The following B4GALNT2 variants were observed in gnomAD, a reference collection of about 807,000 sequenced individuals.
B4GALNT2 encodes the protein beta-1,4-N-acetyl-galactosaminyltransferase 2 (SID blood group), also known as N-acetylneuraminylgalactosylglucosyl-glucoside beta-1,4-N- acetylgalactosaminyltransferase 2.
Under a neutral mutation model 51.1 loss-of-function variants are expected in B4GALNT2, and 42 were observed. The observed-to-expected ratio is 0.82, with a 90% CI of 0.64 to 1.06. The LOEUF is 1.06. Among genes scored for constraint, B4GALNT2 ranks in the 50% least tolerant of loss-of-function variants. The probability of loss-of-function intolerance (pLI) is 0.00; values close to 1 mark genes in which losing one functional copy is unlikely to be tolerated. For missense variants in B4GALNT2, 602 were observed against 633.6 expected (o/e 0.95, Z 0.54); for synonymous variants, 253 against 251.7 (o/e 1.01, Z -0.05).
At chr17:49,156,500 G>C in intron 4 of B4GALNT2, 66 bp from the exon 5 acceptor site, 1 of 1,564,366 alleles carries the variant, frequency 6.4e-7, no homozygotes, top group Non-Finnish European at 8.8e-7. Flanking sequence ...TGAGGTTGGC[G>C]AGAGCAGCGG....
In B4GALNT2 at chr17:49,160,597, C is replaced by A; in HGVS notation, c.722C>A (p.Thr241Asn). The A allele has an allele frequency of 6.2e-7, 1 of 1,614,148 alleles. No individual in the cohort carries two copies. The highest frequency in any genetic ancestry group is 8.5e-7 in the Non-Finnish European group (1 of 1,180,024). Residue 241 changes from threonine (T) to asparagine (N), a missense_variant, in exon 7 of 11, where the codon ACC becomes AAC. Physicochemically the swap from Thr to Asn is moderately conservative, Grantham distance 65. Transcript: ENST00000393354. ...TCCTCAGTGGCCAAGTTTCCAGTGA[C>A]CATCCGCCATCCTGTCATACCCAAG... ...SRSSVAKFPV[T>N]IRHPVIPKLY... is the part of the protein sequence containing the mutation.
Position 49,169,918 on chromosome 17 carries a change from C to T in B4GALNT2, c.*190C>T, listed in dbSNP as rs1014086654. On this transcript the variant is annotated 3_prime_UTR_variant, in exon 11 of 11. Transcript: ENST00000393354. Reference sequence around the variant, plus strand: ...CACTGGAAATGAACCAGTCACTGACCAGGGCAATGGAGACTGTATTAATAG... The same window carrying T: ...CACTGGAAATGAACCAGTCACTGACTAGGGCAATGGAGACTGTATTAATAG... 16 of 557,534 alleles carry T rather than the reference C, an allele frequency of 2.9e-5. No individual in the cohort carries two copies. The highest frequency in any genetic ancestry group is 4.0e-5 in the Non-Finnish European group (13 of 325,862). The allele number at this position is 557,534 out of a possible 1,614,324, so 34.5% of individuals were successfully genotyped here.
At chr17:49,135,890 CG>C in intron 1 of B4GALNT2, among the ~76,000 whole-genome samples, 1 of 151,448 alleles carries the variant, frequency 6.6e-6, no homozygotes, top group Non-Finnish European at 1.5e-5. Context: ...GGCGAAACTC[CG>C]TCTCTACTAA....
At chr17:49,150,572 G>A (rs1035166004) in intron 3 of B4GALNT2, among the ~76,000 whole-genome samples, 2 of 151,790 alleles carry the variant, frequency 1.3e-5, no homozygotes, top group African/African-American at 4.8e-5. Context: ...ATTTTGTTCT[G>A]TACTAAGAAA....
intron 3 of B4GALNT2, among the ~76,000 whole-genome samples, chr17:49,142,770 A>AC (rs2042657003): frequency 6.6e-6 from 1 of 152,204 alleles, no homozygotes; most frequent in Admixed American, 6.5e-5. Context: ...ATCTGGTGGT[A>AC]CATCCTCCAT....
the B4GALNT2 span, among the ~76,000 whole-genome samples, chr17:49,123,069 T>C: frequency 2.6e-5 from 4 of 152,216 alleles, no homozygotes; most frequent in Non-Finnish European, 5.9e-5. Context: ...TTTCTTTACA[T>C]TGATATTTAG....
intron 1 of B4GALNT2, among the ~76,000 whole-genome samples, chr17:49,135,426 G>A (rs938442209): frequency 3.3e-5 from 5 of 150,426 alleles, no homozygotes; most frequent in African/African-American, 1.2e-4. Context: ...CTACAGGTGC[G>A]TGCCACCATG....
At chr17:49,129,249 A>G (rs1769493049), upstream of B4GALNT2, among the ~76,000 whole-genome samples, 1 of 152,056 alleles carries the variant, frequency 6.6e-6, no homozygotes, top group African/African-American at 2.4e-5. Flanking sequence ...AGAAAGCGAA[A>G]TACCTGATAC....
intron 1 of B4GALNT2, among the ~76,000 whole-genome samples, chr17:49,137,937 G>C (rs891101723): frequency 2.6e-5 from 4 of 152,116 alleles, no homozygotes; most frequent in Admixed American, 1.3e-4. Flanking sequence ...AAAAATCAGT[G>C]GTTGCACAAA....
In B4GALNT2 at chr17:49,176,176, G is replaced by T. The variant is rs1303118575; in HGVS notation, c.*6448G>T. On this transcript the variant is annotated 3_prime_UTR_variant, in exon 11 of 11. Transcript: ENST00000393354. ...TCACTCCAGCGACCCTTCAACTGGGGTTCAAGCCCCACGTTGGGCGCCACT... is the reference window on the plus strand; with the variant it reads ...TCACTCCAGCGACCCTTCAACTGGGTTTCAAGCCCCACGTTGGGCGCCACT... The T allele has an allele frequency of 6.6e-6, 1 of 152,220 alleles. No homozygotes were observed. The allele number at this position is 152,220 out of a possible 1,614,324, so 9.4% of individuals were successfully genotyped here. A position where few individuals can be genotyped will look rare whatever the true frequency, so the allele number is the denominator to read the frequency against.
At chr17:49,149,642 T>G (rs1202783512) in intron 3 of B4GALNT2, among the ~76,000 whole-genome samples, 1 of 152,174 alleles carries the variant, frequency 6.6e-6, no homozygotes, top group Non-Finnish European at 1.5e-5. Flanking sequence ...TGAGTGAGAC[T>G]TCGTCTCAGA....
At position 49,168,712 on chromosome 17, in the gene B4GALNT2, A is replaced by G. The variant is rs148441237; in HGVS notation, c.1127A>G (p.Gln376Arg). ...VGGSVLGNVFQFKLLLEQSEN... is the reference protein window; with the variant it reads ...VGGSVLGNVFRFKLLLEQSEN... ...GGCAGTGTGCTGGGAAATGTGTTCC[A>G]GTTTAAGTTGTTGCTGGAACAGAGT... Residue 376 changes from glutamine to arginine, a missense_variant, in exon 10 of 11, where the codon CAG becomes CGG. By Grantham distance (43) the Gln-to-Arg change is conservative. Coordinates refer to ENST00000393354, the MANE Select transcript of B4GALNT2 (RefSeq NM_001159387.2). 2.1e-4 allele frequency: 332 copies of G among 1,614,020 alleles called. 1 individual carries two copies. The African/African-American group carries it at 4.0e-3, about 20-fold the overall frequency.
At chr17:49,125,287 G>GT in the B4GALNT2 span, among the ~76,000 whole-genome samples, 14 of 152,100 alleles carry the variant, frequency 9.2e-5, no homozygotes, top group Non-Finnish European at 1.5e-4. Context: ...AGCCTCCCGA[G>GT]TAGCTGGGAT....
rs538125692 is a variant in B4GALNT2 at position 49,136,318 on chromosome 17, A to G, written c.14+3512A>G. Among the ~76,000 whole-genome samples, 266 of 151,962 alleles carry G rather than the reference A, an allele frequency of 1.8e-3. 4 individuals carry two copies. The highest frequency in any genetic ancestry group is 5.8e-3 in the African/African-American group (240 of 41,548). ...ATTCTTGATCATTACTAAAAAAGAA[A>G]GAAAAAAGAGACTATAGAAACATGT... On this transcript the variant is annotated intron_variant, in intron 1 of 10. Transcript: ENST00000393354.
At chr17:49,153,137 T>G (rs548417296) in intron 4 of B4GALNT2, among the ~76,000 whole-genome samples, 2 of 150,596 alleles carry the variant, frequency 1.3e-5, no homozygotes, top group Non-Finnish European at 3.0e-5. Flanking sequence ...AGGGGCCGGG[T>G]GCTGTGCTCA....
rs1165426926 is a variant in B4GALNT2, at chr17:49,133,921, C to CAAACAAACA, written c.14+1127_14+1135dup. Among the ~76,000 whole-genome samples, 65 of 151,086 alleles carry CAAACAAACA rather than the reference C, an allele frequency of 4.3e-4. 1 individual carries two copies. Among genetic ancestry groups the CAAACAAACA allele is most frequent in the Admixed American group, 6.6e-4 (10 of 15,256 alleles). ...AGGGAGACTCTGTCTCAAAAACAAA[C>CAAACAAACA]AAACAAACAAAACAAACAAACAAAC... On this transcript the variant is annotated intron_variant, in intron 1 of 10. Transcript: ENST00000393354.
At chr17:49,154,551 G>A (rs928415696) in intron 4 of B4GALNT2, among the ~76,000 whole-genome samples, 3 of 151,118 alleles carry the variant, frequency 2.0e-5, no homozygotes, top group Non-Finnish European at 4.4e-5. Context: ...ACAGCCCCCC[G>A]AAACCTGCAA....
chr17:49,164,404 G>A, intron 8 of B4GALNT2, 129 bp downstream of exon 8: 2 of 771,764 alleles, frequency 2.6e-6, no homozygotes, highest in Non-Finnish European at 4.1e-6. Context: ...AGTGGGAGTG[G>A]GTGAGGGCTG....
chr17:49,146,796 T>A (rs2042699276), intron 3 of B4GALNT2, among the ~76,000 whole-genome samples: 1 of 152,188 alleles, frequency 6.6e-6, no homozygotes, highest in Admixed American at 6.5e-5. Flanking sequence ...AGGTTCATGA[T>A]TACAAGGGCT....
Sources: gnomAD v4.1 joint callset for allele counts (sites outside exome capture counted in the v4.1 genomes callset) on GRCh38, gnomAD v4.1.1 for gene constraint, MANE v1.5 for transcripts, NCBI Gene and HGNC (gene_info 2026-07-23, HGNC 2026-07-21) for gene names.